Variants in CACNA1D observed in about 807,000 individuals in gnomAD.
The protein encoded by CACNA1D is voltage-dependent L-type calcium channel subunit alpha-1D.
Under a neutral mutation model 257.1 loss-of-function variants are expected in CACNA1D, and 55 were observed. That is an observed-to-expected ratio of 0.21 (90% CI 0.17 to 0.27). The LOEUF (loss-of-function observed/expected upper bound fraction) is 0.27. Ranked by LOEUF, CACNA1D falls within the 10% of genes least tolerant of loss-of-function variation. The pLI is 1.00. For missense variants in CACNA1D, 1,876 were observed against 2,784.0 expected, an observed-to-expected ratio of 0.67 and a Z score of 7.34; for synonymous variants, 980 against 1,014.9, an observed-to-expected ratio of 0.97 and a Z score of 0.65.
intron 3 of CACNA1D, among the ~76,000 whole-genome samples, chr3:53,552,650 G>A (rs1042664218): frequency 6.6e-6 from 1 of 152,102 alleles, no homozygotes; most frequent in Non-Finnish European, 1.5e-5. Flanking sequence ...CAAAGTGCTG[G>A]GGTTACAGGA....
In CACNA1D at chr3:53,801,571, C is replaced by T. The variant is rs530831666; in HGVS notation, c.5408+146C>T. On this transcript the variant is annotated intron_variant, in intron 42 of 47. Coordinates refer to ENST00000350061, the MANE Select transcript of CACNA1D (RefSeq NM_001128840.3). ...CATTTGTGTCAGGATCTGTGAGTGC[C>T]CCCCAGGTCACTGCTGCCTCTGACA... 624 of 1,041,440 alleles carry T rather than the reference C, an allele frequency of 6.0e-4. 7 individuals carry two copies. In the Middle Eastern group the frequency reaches 8.7e-3, roughly 15 times the overall value. 64.5% of individuals were successfully genotyped at this position (1,041,440 alleles called of 1,614,324 possible). A position where few individuals can be genotyped will look rare whatever the true frequency, so the allele number is the denominator to read the frequency against.
intron 3 of CACNA1D, among the ~76,000 whole-genome samples, chr3:53,521,658 C>A (rs2091581502): frequency 6.6e-6 from 1 of 151,738 alleles, no homozygotes; most frequent in African/African-American, 2.4e-5. Flanking sequence ...CTCTGAAGCA[C>A]ACAGTTCATT....
At chr3:53,781,387 G>A (rs543833686) in intron 38 of CACNA1D, among the ~76,000 whole-genome samples, 179 bp from the exon 39 acceptor site, 5 of 152,154 alleles carry the variant, frequency 3.3e-5, no homozygotes, top group Admixed American at 2.6e-4. Context: ...AGGCATGATC[G>A]CTATTGCTGA....
chr3:53,599,784 T>C lies in CACNA1D; in HGVS notation c.484-50995T>C, dbSNP rs140578840. ...AGAAGAGTGTGAAAACTTAGTTTCC[T>C]CTCTGCTCCACCCACGGCTTTCTAG... is the stretch of plus-strand genomic sequence containing the variant. On this transcript the variant is annotated intron_variant, in intron 3 of 47. Transcript: ENST00000350061. 5.8e-4 allele frequency among the ~76,000 whole-genome samples: 88 copies of C among 152,354 alleles called. 4 individuals are homozygous for C. In the East Asian group the frequency reaches 0.01, roughly 18 times the overall value.
intron 8 of CACNA1D, among the ~76,000 whole-genome samples, chr3:53,691,162 T>TG (rs57745542): frequency 1.4e-5 from 2 of 147,520 alleles, no homozygotes; most frequent in Non-Finnish European, 3.0e-5. Context: ...TTTTTTTTTT[T>TG]GGGGGGGAGA....
chr3:53,802,218 T>C, intron 43 of CACNA1D, 45 bp downstream of exon 43: 1 of 1,445,744 alleles, frequency 6.9e-7, no homozygotes, highest in East Asian at 2.3e-5. Flanking sequence ...TGTGATGGTA[T>C]GTTACCAGCT....
chr3:53,787,148 C>A lies in CACNA1D; in HGVS notation c.4923+196C>A, dbSNP rs566691277. Among the ~76,000 whole-genome samples the A allele has an allele frequency of 3.3e-5, 5 of 152,260 alleles. No individual in the cohort carries two copies. In the East Asian group the frequency reaches 9.7e-4, roughly 29 times the overall value. On this transcript the variant is annotated intron_variant, in intron 40 of 47. Transcript: ENST00000350061. ...AAGTGCTTCCCTCCCCGATGCCTAC[C>A]CCATAGAGCCCTGCACCTGCCACTA... is the stretch of plus-strand genomic sequence containing the variant.
chr3:53,716,795 T>A (rs548352101), intron 9 of CACNA1D, among the ~76,000 whole-genome samples: 5 of 152,274 alleles, frequency 3.3e-5, no homozygotes, highest in African/African-American at 1.2e-4. Flanking sequence ...GCAGGCAGGC[T>A]CAGTTTCTCG....
chr3:53,770,035 TC>T lies in CACNA1D; in HGVS notation c.3915+22del. 1.2e-6 allele frequency: 2 copies of T among 1,601,906 alleles called. No individual in the cohort carries two copies. The highest frequency in any genetic ancestry group is 1.7e-6 in the Non-Finnish European group (2 of 1,168,752). Reference sequence around the variant, plus strand: ...CACCTGGGGTAAGATCAGTGACTAGTCCCCAGGGGCTGGGCCTTTTCCTTAA... The same window carrying T: ...CACCTGGGGTAAGATCAGTGACTAGTCCCAGGGGCTGGGCCTTTTCCTTAA... On this transcript the variant is annotated intron_variant, in intron 31 of 47. Transcript: ENST00000350061.
chr3:53,547,657 G>A (rs1575823859), intron 3 of CACNA1D, among the ~76,000 whole-genome samples: 1 of 152,140 alleles, frequency 6.6e-6, no homozygotes, highest in Non-Finnish European at 1.5e-5. Context: ...AGGCAGGGAA[G>A]TTTCTCCGAG....
At chr3:53,636,833 G>A (rs957910357) in intron 3 of CACNA1D, among the ~76,000 whole-genome samples, 6 of 152,156 alleles carry the variant, frequency 3.9e-5, no homozygotes, top group Non-Finnish European at 8.8e-5. Context: ...ATTGTCAACT[G>A]ATTCTTTTCT....
At chr3:53,655,458 T>C (rs1045666749) in intron 4 of CACNA1D, among the ~76,000 whole-genome samples, 1 of 152,234 alleles carries the variant, frequency 6.6e-6, no homozygotes, top group African/African-American at 2.4e-5. Flanking sequence ...TTCCCTTTTC[T>C]CTGCAACCTC....
chr3:53,718,668 G>A lies in CACNA1D; in HGVS notation c.1478+280G>A, dbSNP rs368761990. ...AATGTGGTGGTTAACCTGGCCACCT[G>A]CTGTGTCCATTAGGTGCTGGTGGAG... On this transcript the variant is annotated intron_variant, in intron 10 of 47. Coordinates refer to ENST00000350061, the MANE Select transcript of CACNA1D (RefSeq NM_001128840.3). 2.3e-5 allele frequency: 35 copies of A among 1,528,574 alleles called. No homozygotes were observed. The African/African-American group carries it at 2.4e-4, about 10-fold the overall frequency. The allele number at this position is 1,528,574 out of a possible 1,614,324, so 94.7% of individuals were successfully genotyped here.
intron 40 of CACNA1D, among the ~76,000 whole-genome samples, chr3:53,792,738 A>G (rs1028033767): frequency 5.3e-5 from 8 of 152,170 alleles, no homozygotes; most frequent in Non-Finnish European, 8.8e-5. Context: ...GGTCAGTCCC[A>G]GCCTCAGGGT....
chr3:53,742,611 A>G (rs2108825505), intron 21 of CACNA1D, among the ~76,000 whole-genome samples: 1 of 152,348 alleles, frequency 6.6e-6, no homozygotes, highest in Non-Finnish European at 1.5e-5. Flanking sequence ...AATTGAAACA[A>G]GGTAGGCTCT....
At position 53,800,509 on chromosome 3, in the gene CACNA1D, C is replaced by T; in HGVS notation, c.5040+144C>T. 2.7e-6 allele frequency: 2 copies of T among 749,090 alleles called. No individual in the cohort carries two copies. Among genetic ancestry groups the T allele is most frequent in the African/African-American group, 1.7e-5 (1 of 58,856 alleles). The allele number at this position is 749,090 out of a possible 1,614,324, so 46.4% of individuals were successfully genotyped here. A position where few individuals can be genotyped will look rare whatever the true frequency, so the allele number is the denominator to read the frequency against. On this transcript the variant is annotated intron_variant, in intron 41 of 47. Transcript: ENST00000350061. This position sits in a 1 kb window ranked among gnomAD's most constrained non-coding sequence, Gnocchi z 4.3. ...AGAGGGGCTTTCAGACCACACCCTC[C>T]CCCTCTTACAGACCCTCCCCAGGCA...
chr3:53,600,368 C>G (rs1200547611), intron 3 of CACNA1D, among the ~76,000 whole-genome samples: 1 of 152,156 alleles, frequency 6.6e-6, no homozygotes, highest in African/African-American at 2.4e-5. Flanking sequence ...CTGGTAAAAC[C>G]TTGCTGATCT....
intron 30 of CACNA1D, 53 bp downstream of exon 30, chr3:53,762,134 G>T (rs1294308687): frequency 9.3e-7 from 1 of 1,076,060 alleles, no homozygotes; most frequent in Non-Finnish European, 1.5e-6. Context: ...CTCTGTCTGT[G>T]CATACTCCGC....
chr3:53,716,212 C>A (rs1415052253), intron 9 of CACNA1D, among the ~76,000 whole-genome samples: 1 of 152,170 alleles, frequency 6.6e-6, no homozygotes, highest in Non-Finnish European at 1.5e-5. Flanking sequence ...GAGTTCACAC[C>A]ACCATTTTAG....
Sources: allele counts gnomAD v4.1 joint callset (sites outside exome capture counted in the v4.1 genomes callset), GRCh38; gene constraint gnomAD v4.1.1; non-coding constraint Gnocchi (gnomAD v3.1); transcripts MANE v1.5; gene names NCBI Gene and HGNC (gene_info 2026-07-23, HGNC 2026-07-21).